Variants in AHCY observed in about 807,000 individuals in gnomAD.
AHCY encodes the protein S-adenosyl-L-homocysteine hydrolase.
A neutral mutation model predicts 45.4 loss-of-function variants in AHCY; 24 were observed. The observed-to-expected ratio is 0.53, with a 90% CI of 0.38 to 0.74. AHCY has a LOEUF of 0.74. Ranked by LOEUF, AHCY falls within the 30% of genes least tolerant of loss-of-function variation. AHCY has a pLI of 0.00. For missense variants in AHCY, 449 were observed against 594.1 expected (o/e 0.76, Z 2.54); for synonymous variants, 245 against 235.1 (o/e 1.04, Z -0.39).
chr20:34,303,069 C>T (rs2036836851), intron 1 of AHCY, 174 bp downstream of exon 1: 20 of 985,254 alleles, frequency 2.0e-5, no homozygotes, highest in South Asian at 4.7e-5. Flanking sequence ...GAACGGCCCG[C>T]TCATGGCCGC....
Position 34,293,260 on chromosome 20 carries a change from ACCAGCCCACACTCCTC to A in AHCY, c.296-769_296-754del, listed in dbSNP as rs761004117. Among the ~76,000 whole-genome samples the A allele has an allele frequency of 4.7e-4, 71 of 152,040 alleles. 1 individual carries two copies. The highest frequency in any genetic ancestry group is 9.6e-4 in the Non-Finnish European group (65 of 68,006). On this transcript the variant is annotated intron_variant, in intron 3 of 9. Coordinates refer to ENST00000217426, the MANE Select transcript of AHCY (RefSeq NM_000687.4). ...ACACCAGAACTGAGGGCTACTGACC[ACCAGCCCACACTCCTC>A]CCATGTGGCATGACTAGGGCACAGG... is the stretch of plus-strand genomic sequence containing the variant.
intron 9 of AHCY, among the ~76,000 whole-genome samples, chr20:34,285,107 G>A (rs2036128420): frequency 6.6e-6 from 1 of 152,164 alleles, no homozygotes; most frequent in African/African-American, 2.4e-5. Context: ...TTTCACAGAT[G>A]AGAAAATGAA....
the AHCY span, among the ~76,000 whole-genome samples, chr20:34,266,220 C>T: frequency 8.6e-5 from 13 of 151,018 alleles, no homozygotes; most frequent in Admixed American, 5.9e-4. Context: ...GAGGTGGTGG[C>T]GGGCGCCTGT....
chr20:34,263,363 G>A, the AHCY span, among the ~76,000 whole-genome samples: 1 of 152,264 alleles, frequency 6.6e-6, no homozygotes, highest in East Asian at 1.9e-4. Context: ...TCAGGAGTTC[G>A]AGACTAGCCT....
chr20:34,301,999 T>C (rs1423128141), intron 1 of AHCY: 1 of 901,310 alleles, frequency 1.1e-6, no homozygotes, highest in East Asian at 1.7e-4. Flanking sequence ...AGTGTCTTTT[T>C]TTGTTTGTTT....
chr20:34,275,756 T>C (rs2035905638), downstream of AHCY, among the ~76,000 whole-genome samples: 1 of 151,680 alleles, frequency 6.6e-6, no homozygotes, highest in Non-Finnish European at 1.5e-5. Context: ...CAACTCACTC[T>C]AACTGCCACC....
upstream of AHCY, among the ~76,000 whole-genome samples, chr20:34,305,440 C>A (rs8118727): frequency 0.08 from 12,182 of 152,118 alleles, 1,634 homozygotes; most frequent in African/African-American, 0.28. Flanking sequence ...CGATGTCAAG[C>A]AGAGACTTCC....
At position 34,290,984 on chromosome 20, in the gene AHCY, T is replaced by C. The variant is rs2036368056; in HGVS notation, c.559-46A>G. ...GAGACAATAGGGGCAGGCAAGGCCC[T>C]GGGGCCAGGACAACTTGGCCTCAGA... is the stretch of plus-strand genomic sequence containing the variant. On this transcript the variant is annotated intron_variant, in intron 5 of 9. Coordinates refer to ENST00000217426, the MANE Select transcript of AHCY (RefSeq NM_000687.4). This position sits in a 1 kb window ranked among gnomAD's most constrained non-coding sequence, Gnocchi z 4.5. 3.1e-6 allele frequency: 5 copies of C among 1,594,272 alleles called. No individual in the cohort carries two copies. Among genetic ancestry groups the C allele is most frequent in the South Asian group, 1.1e-5 (1 of 90,316 alleles).
downstream of AHCY, among the ~76,000 whole-genome samples, chr20:34,276,517 C>A (rs1323598268): frequency 6.6e-6 from 1 of 152,112 alleles, no homozygotes; most frequent in Non-Finnish European, 1.5e-5. Flanking sequence ...CAGGGTTGAT[C>A]AGACTATTAC....
the AHCY span, among the ~76,000 whole-genome samples, chr20:34,243,925 C>A: frequency 6.6e-6 from 1 of 152,020 alleles, no homozygotes; most frequent in Admixed American, 6.6e-5. Flanking sequence ...ATTAACCGGG[C>A]GTGGTGGCGG....
At chr20:34,300,850 G>A (rs1177852397) in intron 1 of AHCY, among the ~76,000 whole-genome samples, 2 of 152,176 alleles carry the variant, frequency 1.3e-5, no homozygotes, top group East Asian at 1.9e-4. Context: ...GGTGGTGACC[G>A]TGGAGACAGA....
chr20:34,287,695 A>G (rs1256518463), intron 8 of AHCY, among the ~76,000 whole-genome samples: 1 of 152,014 alleles, frequency 6.6e-6, no homozygotes, highest in East Asian at 1.9e-4. Context: ...CCTGGCCAGA[A>G]GGGGGTCTCT....
chr20:34,305,852 C>A (rs1464025313), upstream of AHCY, among the ~76,000 whole-genome samples: 1 of 152,072 alleles, frequency 6.6e-6, no homozygotes, highest in South Asian at 2.1e-4. Context: ...GAAGCCGGGG[C>A]GAGTGGATCA....
At chr20:34,306,941 C>T (rs1304296097), upstream of AHCY, among the ~76,000 whole-genome samples, 1 of 152,058 alleles carries the variant, frequency 6.6e-6, no homozygotes, top group Non-Finnish European at 1.5e-5. Context: ...GTAAATGTGG[C>T]TGTAAAAGGG....
At chr20:34,241,480 G>A in the AHCY span, 21 of 985,404 alleles carry the variant, frequency 2.1e-5, no homozygotes, top group East Asian at 2.3e-4. Context: ...GGCTCTTTGC[G>A]GGAAAGCATG....
intron 1 of AHCY, among the ~76,000 whole-genome samples, chr20:34,301,002 A>G (rs1407330348): frequency 6.6e-6 from 1 of 152,218 alleles, no homozygotes; most frequent in Non-Finnish European, 1.5e-5. Context: ...TTTACCGACC[A>G]TATCTGTCCT....
At chr20:34,297,604 A>G (rs1439717563) in intron 1 of AHCY, among the ~76,000 whole-genome samples, 6 of 152,008 alleles carry the variant, frequency 3.9e-5, no homozygotes, top group Admixed American at 2.6e-4. Flanking sequence ...CCAAGATATC[A>G]TATTTATTAA....
chr20:34,235,962 AAGG>A, the AHCY span, among the ~76,000 whole-genome samples: 1 of 83,802 alleles, frequency 1.2e-5, no homozygotes, highest in Non-Finnish European at 1.9e-5. Context: ...GGAAGGAAGG[AAGG>A]AGGGAGGGAG....
the AHCY span, among the ~76,000 whole-genome samples, chr20:34,259,445 G>A: frequency 2.0e-5 from 3 of 150,782 alleles, no homozygotes; most frequent in Non-Finnish European, 4.4e-5. Context: ...CCTGGGAGGA[G>A]GAGGTTGCAG....
Sources: gnomAD v4.1 joint callset for allele counts (sites outside exome capture counted in the v4.1 genomes callset) on GRCh38, gnomAD v4.1.1 for gene constraint, Gnocchi (gnomAD v3.1) non-coding constraint, MANE v1.5 for transcripts, NCBI Gene and HGNC (gene_info 2026-07-23, HGNC 2026-07-21) for gene names.